Variants in PAPPA observed in about 807,000 individuals in gnomAD.
PAPPA encodes pappalysin 1, also known as pappalysin-1.
In PAPPA, 60 loss-of-function variants were observed where a neutral mutation model predicts 164.0. That is an observed-to-expected ratio of 0.37 (90% CI 0.30 to 0.45). PAPPA has a LOEUF of 0.45. PAPPA is among the 20% of genes least tolerant of loss of function. PAPPA has a pLI of 1.00. For synonymous variants in PAPPA, 875 were observed against 814.1 expected, an observed-to-expected ratio of 1.07 and a Z score of -1.27; for missense variants, 1,782 against 2,087.3, an observed-to-expected ratio of 0.85 and a Z score of 2.85.
At chr9:116,291,496 C>A (rs1174327309) in intron 9 of PAPPA, among the ~76,000 whole-genome samples, 1 of 152,170 alleles carries the variant, frequency 6.6e-6, no homozygotes, top group African/African-American at 2.4e-5. Flanking sequence ...TTTGGGACAT[C>A]TTCAGAATCA....
At chr9:116,304,229 A>G (rs1845616062) in intron 10 of PAPPA, among the ~76,000 whole-genome samples, 1 of 152,200 alleles carries the variant, frequency 6.6e-6, no homozygotes, top group African/African-American at 2.4e-5. Flanking sequence ...AACAAGTTTC[A>G]GTTTATTCAT....
intron 21 of PAPPA, among the ~76,000 whole-genome samples, chr9:116,382,980 C>G (rs1846752546): frequency 6.6e-6 from 1 of 152,070 alleles, no homozygotes; most frequent in Non-Finnish European, 1.5e-5. Context: ...ATAGTACATC[C>G]CTAATGAGGT....
chr9:116,375,298 A>C (rs1473722630), intron 19 of PAPPA, among the ~76,000 whole-genome samples: 1 of 152,242 alleles, frequency 6.6e-6, no homozygotes, highest in Non-Finnish European at 1.5e-5. Context: ...GTAAGATGCA[A>C]GACAGTAGAT....
At chr9:116,220,199 A>C (rs1844427162) in intron 5 of PAPPA, 70 bp downstream of exon 5, 1 of 1,251,762 alleles carries the variant, frequency 8.0e-7, no homozygotes, top group Non-Finnish European at 1.1e-6. Flanking sequence ...CTTGGAAGGG[A>C]AGCAGACTTG....
At chr9:116,234,078 C>T (rs2118740383) in intron 6 of PAPPA, among the ~76,000 whole-genome samples, 1 of 152,080 alleles carries the variant, frequency 6.6e-6, no homozygotes, top group East Asian at 1.9e-4. Flanking sequence ...ACTTGAGGTC[C>T]TTCATCTTAC....
intron 14 of PAPPA, among the ~76,000 whole-genome samples, chr9:116,345,634 CAA>C (rs1846198053): frequency 6.6e-6 from 1 of 152,142 alleles, no homozygotes; most frequent in Non-Finnish European, 1.5e-5. Context: ...TCCTGGTTGA[CAA>C]AGTCTCTTCT....
chr9:116,357,639 A>AT (rs1183890360), intron 17 of PAPPA, among the ~76,000 whole-genome samples: 2 of 152,134 alleles, frequency 1.3e-5, no homozygotes, highest in Non-Finnish European at 2.9e-5. Flanking sequence ...AAGGGCAGAG[A>AT]TTTTATCCCC....
Position 116,398,851 on chromosome 9 carries a change from T to G in PAPPA, c.*2235T>G. The G allele has an allele frequency of 2.7e-6, 1 of 370,214 alleles. No individual in the cohort carries two copies. Among genetic ancestry groups the G allele is most frequent in the Non-Finnish European group, 5.3e-6 (1 of 187,838 alleles). 22.9% of individuals were successfully genotyped at this position (370,214 alleles called of 1,614,324 possible). A position where few individuals can be genotyped will look rare whatever the true frequency, so the allele number is the denominator to read the frequency against. On this transcript the variant is annotated 3_prime_UTR_variant, in exon 22 of 22. Transcript: ENST00000328252. ...AATTATTAGCAAGAAATAAGAATAG[T>G]ATTAGAAGAATTGATCCTATTTTGA...
chr9:116,389,686 C>T lies in PAPPA; in HGVS notation c.4777-6823C>T, dbSNP rs547226056. The stretch of plus-strand genomic sequence containing the variant: ...GGCTAAGAACCCTCTTCTATTCATC[C>T]TCATGACTCACTCCTTCACCTCTTT... On this transcript the variant is annotated intron_variant, in intron 21 of 21. Transcript: ENST00000328252. Among the ~76,000 whole-genome samples the T allele has an allele frequency of 3.9e-5, 6 of 152,196 alleles. No homozygotes were observed. The East Asian group carries it at 1.2e-3, about 30-fold the overall frequency.
At chr9:116,230,085 G>T (rs962251380) in intron 6 of PAPPA, among the ~76,000 whole-genome samples, 1 of 152,124 alleles carries the variant, frequency 6.6e-6, no homozygotes, top group Admixed American at 6.5e-5. Flanking sequence ...TGAGGTCTCT[G>T]GTTCCCTGAG....
intron 1 of PAPPA, among the ~76,000 whole-genome samples, chr9:116,157,761 C>A (rs1376079865): frequency 6.6e-6 from 1 of 152,092 alleles, no homozygotes; most frequent in Non-Finnish European, 1.5e-5. Flanking sequence ...CCACACACAG[C>A]CTTCAGCCTT....
chr9:116,155,241 C>T (rs1843587312), intron 1 of PAPPA, among the ~76,000 whole-genome samples: 1 of 152,186 alleles, frequency 6.6e-6, no homozygotes, highest in African/African-American at 2.4e-5. Context: ...CAGCGTTCCC[C>T]AGACGCGGCT....
intron 1 of PAPPA, among the ~76,000 whole-genome samples, chr9:116,165,352 C>T (rs2118980918): frequency 6.6e-6 from 1 of 152,304 alleles, no homozygotes; most frequent in Non-Finnish European, 1.5e-5. Context: ...ACTTCCGAAA[C>T]AATCATCTTT....
At chr9:116,327,317 C>G (rs1258442298) in intron 10 of PAPPA, among the ~76,000 whole-genome samples, 1 of 152,102 alleles carries the variant, frequency 6.6e-6, no homozygotes, top group African/African-American at 2.4e-5. Flanking sequence ...GGATGGAAAA[C>G]AGTATGGCTC....
Position 116,367,648 on chromosome 9 carries a change from C to G in PAPPA, c.4499C>G (p.Ser1500Trp). 1 of 1,612,634 alleles carries G rather than the reference C, an allele frequency of 6.2e-7. No homozygotes were observed. Among genetic ancestry groups the G allele is most frequent in the Non-Finnish European group, 8.5e-7 (1 of 1,178,884 alleles). Residue 1500 changes from serine (S) to tryptophan (W), a missense_variant, in exon 19 of 22, where the codon TCG becomes TGG. Ser to Trp is a radical substitution (Grantham distance 177, BLOSUM62 -3). Coordinates refer to ENST00000328252, the MANE Select transcript of PAPPA (RefSeq NM_002581.5). ...CCTCATGCTGTACTTCCCTCAGGGT[C>G]GGAGTGTGCCACCTCGTGCCTGGAC... ...LQCPDGYAIGSECATSCLDHN... is the reference protein window; with the variant it reads ...LQCPDGYAIGWECATSCLDHN...
intron 9 of PAPPA, among the ~76,000 whole-genome samples, chr9:116,300,404 AG>A (rs1417651734): frequency 6.6e-6 from 1 of 151,950 alleles, no homozygotes; most frequent in Non-Finnish European, 1.5e-5. Context: ...CAGCCTCATG[AG>A]TAGCTGGGAC....
chr9:116,249,668 C>T (rs569973472), intron 7 of PAPPA, among the ~76,000 whole-genome samples: 3 of 151,942 alleles, frequency 2.0e-5, no homozygotes, highest in African/African-American at 7.2e-5. Flanking sequence ...TGCAGAGCAC[C>T]GGGTGGGGCT....
intron 6 of PAPPA, among the ~76,000 whole-genome samples, chr9:116,228,128 G>A (rs374943301): frequency 5.8e-4 from 89 of 152,272 alleles, no homozygotes; most frequent in African/African-American, 2.1e-3. Context: ...CCTGCTCAGG[G>A]TTGTCTCTCA....
intron 7 of PAPPA, among the ~76,000 whole-genome samples, chr9:116,250,318 T>C (rs771809271): frequency 2.0e-5 from 3 of 152,146 alleles, no homozygotes; most frequent in Non-Finnish European, 4.4e-5. Flanking sequence ...GCTTTTACAT[T>C]CTTGTTGTCA....
Sources: gnomAD v4.1 joint callset for allele counts (sites outside exome capture counted in the v4.1 genomes callset) on GRCh38, gnomAD v4.1.1 for gene constraint, MANE v1.5 for transcripts, NCBI Gene and HGNC (gene_info 2026-07-23, HGNC 2026-07-21) for gene names.